Variants in GPC6 observed in about 807,000 individuals in gnomAD.
The protein encoded by GPC6 is glypican 6.
Under a neutral mutation model 55.2 loss-of-function variants are expected in GPC6, and 14 were observed. The ratio of observed to expected loss-of-function variants is 0.25; its 90% CI spans 0.17 to 0.40. The LOEUF (loss-of-function observed/expected upper bound fraction) is 0.40, where lower values mean the gene tolerates loss of function less well. Ranked by LOEUF, GPC6 falls within the 10% of genes least tolerant of loss-of-function variation. The pLI is 1.00. For synonymous variants in GPC6, 278 were observed against 259.6 expected (o/e 1.07, Z -0.68); for missense variants, 641 against 708.5 (o/e 0.90, Z 1.08).
At chr13:93,465,536 C>T (rs1037406954) in intron 1 of GPC6, among the ~76,000 whole-genome samples, 21 of 152,160 alleles carry the variant, frequency 1.4e-4, no homozygotes, top group Non-Finnish European at 1.8e-4. Flanking sequence ...TTTTTTTCTG[C>T]AGCTTCCTCA....
intron 5 of GPC6, among the ~76,000 whole-genome samples, chr13:94,298,212 G>A (rs993639101): frequency 2.0e-5 from 3 of 152,148 alleles, no homozygotes; most frequent in African/African-American, 7.2e-5. Flanking sequence ...TTTCTAAGGT[G>A]CCAGTTATCT....
At chr13:94,327,682 A>G (rs1286609026) in intron 6 of GPC6, among the ~76,000 whole-genome samples, 2 of 150,352 alleles carry the variant, frequency 1.3e-5, no homozygotes, top group Non-Finnish European at 2.9e-5. Context: ...ATATAGATTC[A>G]AAAGTGAGTG....
At chr13:94,005,154 T>A (rs1881965025) in intron 3 of GPC6, among the ~76,000 whole-genome samples, 1 of 152,164 alleles carries the variant, frequency 6.6e-6, no homozygotes, top group South Asian at 2.1e-4. Context: ...AAATTGGGAT[T>A]GAAGGAGGTA....
At chr13:94,029,983 T>C (rs1230947276) in intron 4 of GPC6, among the ~76,000 whole-genome samples, 3 of 151,942 alleles carry the variant, frequency 2.0e-5, no homozygotes, top group Non-Finnish European at 1.5e-5. Context: ...TATGAACGTA[T>C]TTCATACCCT....
intron 2 of GPC6, among the ~76,000 whole-genome samples, chr13:93,585,677 A>C (rs948981180): frequency 2.0e-5 from 3 of 152,174 alleles, no homozygotes; most frequent in Admixed American, 1.3e-4. Context: ...ATTACCTTAC[A>C]AGACTTTTGA....
At chr13:93,336,536 T>C (rs1006543078) in intron 1 of GPC6, among the ~76,000 whole-genome samples, 1 of 152,196 alleles carries the variant, frequency 6.6e-6, no homozygotes, top group Non-Finnish European at 1.5e-5. Context: ...TCCTTCAAGG[T>C]TGGCTTTTGA....
chr13:93,462,031 T>G lies in GPC6; in HGVS notation c.161-83232T>G, dbSNP rs114574370. On this transcript the variant is annotated intron_variant, in intron 1 of 8. Transcript: ENST00000377047. Reference sequence around the variant, plus strand: ...AAGCCATGCCATCTTATGTAGATACTTTTGATGGAAAGAAAGAAGAAAAAT... The same window carrying G: ...AAGCCATGCCATCTTATGTAGATACGTTTGATGGAAAGAAAGAAGAAAAAT... Among the ~76,000 whole-genome samples the G allele has an allele frequency of 6.8e-3, 1,033 of 152,278 alleles. 7 individuals carry two copies. The highest frequency in any genetic ancestry group is 0.024 in the African/African-American group (982 of 41,550).
At chr13:94,346,869 G>T (rs1302667515) in intron 6 of GPC6, among the ~76,000 whole-genome samples, 1 of 152,064 alleles carries the variant, frequency 6.6e-6, no homozygotes. Flanking sequence ...AGCTTACCTG[G>T]CAAGTAAGAA....
At chr13:93,922,369 CT>C (rs1242776147) in intron 3 of GPC6, among the ~76,000 whole-genome samples, 1 of 152,142 alleles carries the variant, frequency 6.6e-6, no homozygotes, top group African/African-American at 2.4e-5. Context: ...GAGCTATCTG[CT>C]GTTGAATTTG....
chr13:93,515,567 T>G (rs1881158431), intron 1 of GPC6, among the ~76,000 whole-genome samples: 1 of 152,218 alleles, frequency 6.6e-6, no homozygotes, highest in African/African-American at 2.4e-5. Context: ...GTTTCTTCAA[T>G]TGCAAATGAT....
At chr13:94,378,532 A>G (rs1375543116) in intron 6 of GPC6, among the ~76,000 whole-genome samples, 1 of 152,136 alleles carries the variant, frequency 6.6e-6, no homozygotes, top group Non-Finnish European at 1.5e-5. Flanking sequence ...AATAGAGTCA[A>G]GTGTTCATGG....
rs150953641 is a variant in GPC6, at chr13:94,283,911, A to G, written c.878-2438A>G. 3.9e-5 allele frequency among the ~76,000 whole-genome samples: 6 copies of G among 152,334 alleles called. No homozygotes were observed. The East Asian group carries it at 1.2e-3, about 29-fold the overall frequency. ...AGGATGGCAGCCTCTGGAGTAAGTT[A>G]TGCTATGTTGTGACTTCACTGGTTT... On this transcript the variant is annotated intron_variant, in intron 4 of 8. Transcript: ENST00000377047.
At position 93,840,122 on chromosome 13, in the gene GPC6, A is replaced by T. The variant is rs567787979; in HGVS notation, c.711+9577A>T. ...GTACTTTTTTTGTGGGTAATTTTAA[A>T]ATTACCATTTCAATCTCACTGCTTG... On this transcript the variant is annotated intron_variant, in intron 3 of 8. Transcript: ENST00000377047. Among the ~76,000 whole-genome samples the T allele has an allele frequency of 2.3e-3, 354 of 152,206 alleles. 2 individuals are homozygous for T. Among genetic ancestry groups the T allele is most frequent in the African/African-American group, 8.0e-3 (334 of 41,526 alleles).
chr13:93,788,837 A>C (rs140266771), intron 2 of GPC6, among the ~76,000 whole-genome samples: 1 of 152,280 alleles, frequency 6.6e-6, no homozygotes, highest in South Asian at 2.1e-4. Context: ...AATATGCATC[A>C]GATCAATGTT....
At chr13:93,713,269 A>G (rs1409133600) in intron 2 of GPC6, among the ~76,000 whole-genome samples, 1 of 151,622 alleles carries the variant, frequency 6.6e-6, no homozygotes, top group Non-Finnish European at 1.5e-5. Context: ...GAGCTACAGA[A>G]AAAATTAACC....
intron 2 of GPC6, among the ~76,000 whole-genome samples, chr13:93,767,560 T>C (rs1885162018): frequency 1.3e-5 from 2 of 152,176 alleles, no homozygotes; most frequent in African/African-American, 2.4e-5. Context: ...GTTTGTGGAA[T>C]GGCTGTTGAG....
chr13:94,243,198 A>G (rs1349957770), intron 4 of GPC6, among the ~76,000 whole-genome samples: 1 of 152,124 alleles, frequency 6.6e-6, no homozygotes, highest in Non-Finnish European at 1.5e-5. Context: ...AATCACATGT[A>G]AAATAAAATT....
chr13:93,623,063 A>C (rs1879026597), intron 2 of GPC6, among the ~76,000 whole-genome samples: 2 of 152,184 alleles, frequency 1.3e-5, no homozygotes, highest in South Asian at 4.1e-4. Flanking sequence ...GTCCATGTTC[A>C]TCCATGCCAC....
At chr13:94,083,187 C>A (rs539077795) in intron 4 of GPC6, among the ~76,000 whole-genome samples, 1 of 152,278 alleles carries the variant, frequency 6.6e-6, no homozygotes, top group South Asian at 2.1e-4. Flanking sequence ...GGTGCAATCT[C>A]GGGTCACTGC....
Sources: gnomAD v4.1 joint callset for allele counts (sites outside exome capture counted in the v4.1 genomes callset) on GRCh38, gnomAD v4.1.1 for gene constraint, MANE v1.5 for transcripts, NCBI Gene and HGNC (gene_info 2026-07-23, HGNC 2026-07-21) for gene names.